CNTNAP2: variants seen among roughly 807,000 people sequenced by gnomAD.
The protein encoded by CNTNAP2 is contactin associated protein 2.
Under a neutral mutation model 155.2 loss-of-function variants are expected in CNTNAP2, and 98 were observed. The observed-to-expected ratio is 0.63, with a 90% CI of 0.54 to 0.75. The LOEUF is 0.75. Ranked by LOEUF, CNTNAP2 falls within the 30% of genes least tolerant of loss-of-function variation. The pLI is 0.00. For synonymous variants in CNTNAP2, 651 were observed against 631.2 expected (o/e 1.03, Z -0.47); for missense variants, 1,727 against 1,688.1 (o/e 1.02, Z -0.40).
intron 10 of CNTNAP2, among the ~76,000 whole-genome samples, chr7:147,444,011 A>G (rs1314470392): frequency 6.6e-6 from 1 of 152,116 alleles, no homozygotes; most frequent in Non-Finnish European, 1.5e-5. Flanking sequence ...CACATTTTCT[A>G]TTCCCAGTAA....
intron 2 of CNTNAP2, among the ~76,000 whole-genome samples, chr7:146,805,064 T>C (rs1247538787): frequency 6.6e-6 from 1 of 152,220 alleles, no homozygotes; most frequent in African/African-American, 2.4e-5. Flanking sequence ...GTGGAGACTT[T>C]GGGCATAGTG....
At chr7:147,330,256 G>C (rs1795533484) in intron 9 of CNTNAP2, among the ~76,000 whole-genome samples, 1 of 152,234 alleles carries the variant, frequency 6.6e-6, no homozygotes, top group Middle Eastern at 3.4e-3. Context: ...GAGGTGCTAG[G>C]TTAGTGGCAT....
At chr7:147,182,251 AG>A (rs1802476300) in intron 8 of CNTNAP2, among the ~76,000 whole-genome samples, 1 of 152,078 alleles carries the variant, frequency 6.6e-6, no homozygotes, top group Non-Finnish European at 1.5e-5. Context: ...CAGCTGTGAT[AG>A]TACAGCCCAT....
chr7:147,656,720 C>G lies in CNTNAP2; in HGVS notation c.2098+17414C>G, dbSNP rs548506953. Reference sequence around the variant, plus strand: ...AAAATTTTAAATTTTGAAAGAATTACCAGAGTGTGACAGAGAGACACAAAG... The same window carrying G: ...AAAATTTTAAATTTTGAAAGAATTAGCAGAGTGTGACAGAGAGACACAAAG... On this transcript the variant is annotated intron_variant, in intron 13 of 23. Transcript: ENST00000361727. Among the ~76,000 whole-genome samples, 285 of 152,160 alleles carry G rather than the reference C, an allele frequency of 1.9e-3. 2 individuals carry two copies. The highest frequency in any genetic ancestry group is 6.6e-3 in the African/African-American group (276 of 41,508).
At position 147,631,919 on chromosome 7, in the gene CNTNAP2, T is replaced by C. The variant is rs138646844; in HGVS notation, c.1898-7187T>C. Reference sequence around the variant, plus strand: ...AGGAAAGTTCTTCTAGACATTGACATAGGCAAAAATTTCATGACAAAGCAT... The same window carrying C: ...AGGAAAGTTCTTCTAGACATTGACACAGGCAAAAATTTCATGACAAAGCAT... On this transcript the variant is annotated intron_variant, in intron 12 of 23. Coordinates refer to ENST00000361727, the MANE Select transcript of CNTNAP2 (RefSeq NM_014141.6). Among the ~76,000 whole-genome samples the C allele has an allele frequency of 1.9e-3, 295 of 152,234 alleles. 1 individual carries two copies. The highest frequency in any genetic ancestry group is 6.4e-3 in the African/African-American group (265 of 41,536).
At chr7:147,269,219 ATATTTCAAAAT>A (rs1374747534) in intron 8 of CNTNAP2, among the ~76,000 whole-genome samples, 2 of 152,184 alleles carry the variant, frequency 1.3e-5, no homozygotes, top group Non-Finnish European at 2.9e-5. Flanking sequence ...TGACCATAAG[ATATTTCAAAAT>A]GCACTTTTAT....
intron 13 of CNTNAP2, among the ~76,000 whole-genome samples, chr7:147,842,146 T>C (rs1392252637): frequency 2.0e-5 from 3 of 152,210 alleles, no homozygotes; most frequent in Non-Finnish European, 1.5e-5. Context: ...CCACAAAAAC[T>C]AGATACATGA....
chr7:146,802,958 G>C (rs1802906595), intron 2 of CNTNAP2, among the ~76,000 whole-genome samples: 1 of 152,160 alleles, frequency 6.6e-6, no homozygotes, highest in Non-Finnish European at 1.5e-5. Flanking sequence ...ATGAAGAGAA[G>C]TGACTGACAT....
chr7:146,878,803 C>G (rs538331524), intron 3 of CNTNAP2, among the ~76,000 whole-genome samples: 1 of 152,250 alleles, frequency 6.6e-6, no homozygotes, highest in East Asian at 1.9e-4. Context: ...GATCTTCTTA[C>G]GCTTTCTTCC....
intron 8 of CNTNAP2, among the ~76,000 whole-genome samples, chr7:147,156,789 A>T (rs1458205534): frequency 2.0e-5 from 3 of 152,116 alleles, no homozygotes; most frequent in Non-Finnish European, 4.4e-5. Context: ...GTATGTCCTC[A>T]TCATATTCTG....
At chr7:147,999,533 A>G (rs1292862882) in intron 15 of CNTNAP2, among the ~76,000 whole-genome samples, 2 of 152,218 alleles carry the variant, frequency 1.3e-5, no homozygotes, top group Admixed American at 1.3e-4. Context: ...TGCTTCATTT[A>G]TAAGTGAATG....
At chr7:147,755,381 G>A (rs1416286613) in intron 13 of CNTNAP2, among the ~76,000 whole-genome samples, 6 of 152,184 alleles carry the variant, frequency 3.9e-5, no homozygotes, top group Non-Finnish European at 7.3e-5. Context: ...GCAGCCAGGC[G>A]CAGTGGCTCA....
At chr7:148,005,249 G>A (rs1801954849) in intron 15 of CNTNAP2, among the ~76,000 whole-genome samples, 1 of 152,084 alleles carries the variant, frequency 6.6e-6, no homozygotes, top group East Asian at 1.9e-4. Context: ...AAGAACCAGA[G>A]AGCTCGTTAG....
intron 3 of CNTNAP2, among the ~76,000 whole-genome samples, chr7:146,955,901 G>A (rs932891793): frequency 2.0e-5 from 3 of 152,052 alleles, no homozygotes; most frequent in African/African-American, 7.2e-5. Flanking sequence ...ACTTACCGCA[G>A]TAAACGGTCA....
chr7:147,281,324 A>C (rs1416423997), intron 8 of CNTNAP2, among the ~76,000 whole-genome samples: 1 of 151,918 alleles, frequency 6.6e-6, no homozygotes, highest in Non-Finnish European at 1.5e-5. Flanking sequence ...CCAGATTTAC[A>C]AAATGGATTA....
chr7:148,162,007 A>C (rs1381516979), intron 17 of CNTNAP2, among the ~76,000 whole-genome samples: 1 of 152,192 alleles, frequency 6.6e-6, no homozygotes, highest in Admixed American at 6.5e-5. Context: ...TTGACCTGGG[A>C]CTAGCATCCG....
intron 10 of CNTNAP2, among the ~76,000 whole-genome samples, chr7:147,426,319 C>G (rs1452644365): frequency 2.0e-5 from 3 of 151,950 alleles, no homozygotes; most frequent in Non-Finnish European, 4.4e-5. Context: ...AAGTCACAGA[C>G]CAACTAAGTG....
At chr7:148,287,687 G>T (rs980824513) in intron 21 of CNTNAP2, among the ~76,000 whole-genome samples, 8 of 152,132 alleles carry the variant, frequency 5.3e-5, no homozygotes, top group Non-Finnish European at 4.4e-5. Context: ...GGCCACTTCT[G>T]GTGAGGACTT....
At chr7:147,485,033 T>C (rs1798487003) in intron 10 of CNTNAP2, among the ~76,000 whole-genome samples, 1 of 152,128 alleles carries the variant, frequency 6.6e-6, no homozygotes, top group South Asian at 2.1e-4. Flanking sequence ...GATGAGTGGA[T>C]GGAACCAGGA....
Sources: allele counts gnomAD v4.1 joint callset (sites outside exome capture counted in the v4.1 genomes callset), GRCh38; gene constraint gnomAD v4.1.1; transcripts MANE v1.5; gene names NCBI Gene and HGNC (gene_info 2026-07-23, HGNC 2026-07-21).